PCLO: variants seen among roughly 807,000 people sequenced by gnomAD.
PCLO encodes piccolo presynaptic cytomatrix protein, also known as protein piccolo.
PCLO carries 82 observed loss-of-function variants against 427.5 expected under a neutral mutation model. The observed-to-expected ratio is 0.19, with a 90% CI of 0.16 to 0.23. The LOEUF is 0.23. PCLO is among the 10% of genes least tolerant of loss of function. The pLI is 1.00. For synonymous variants in PCLO, 2,357 were observed against 2,155.4 expected (o/e 1.09, Z -2.59); for missense variants, 6,239 against 6,115.9 (o/e 1.02, Z -0.67).
intron 6 of PCLO, among the ~76,000 whole-genome samples, chr7:82,929,960 G>C (rs974297845): frequency 8.5e-5 from 13 of 152,090 alleles, no homozygotes; most frequent in Admixed American, 8.5e-4. Flanking sequence ...GAATGACTCT[G>C]GTATTGCTTC....
intron 22 of PCLO, among the ~76,000 whole-genome samples, chr7:82,794,454 T>TTTTTC (rs1562789346): frequency 4.4e-5 from 4 of 89,996 alleles, no homozygotes; most frequent in African/African-American, 2.3e-4. Context: ...TCATAAATTT[T>TTTTTC]TTTTCTTTTT....
In PCLO at chr7:83,156,069, TTGG is replaced by T; in HGVS notation, c.569_571del (p.Thr190del). 1.2e-6 allele frequency: 2 copies of T among 1,613,776 alleles called. No individual in the cohort carries two copies. The highest frequency in any genetic ancestry group is 1.7e-6 in the Non-Finnish European group (2 of 1,179,832). On this transcript the variant is annotated inframe_deletion, in exon 2 of 25. Coordinates refer to ENST00000333891, the MANE Select transcript of PCLO (RefSeq NM_033026.6). ...CTCCTTCTGAACCACTTTTTGTTTC[TTGG>T]TGGTTTCTTCCTGGGATGCCTCAGA...
chr7:82,974,001 T>C (rs1295003457), intron 3 of PCLO, among the ~76,000 whole-genome samples: 1 of 152,210 alleles, frequency 6.6e-6, no homozygotes, highest in Non-Finnish European at 1.5e-5. Flanking sequence ...AACACATAAA[T>C]GAAAACTTGC....
chr7:82,979,506 A>ACC lies in PCLO; in HGVS notation c.3301-13020_3301-13019insGG, dbSNP rs1263140396. ...TTGATGCATAAATAAAATATTTACT[A>ACC]TTTGCTTTGCTACCTGGTTCCTAAC... On this transcript the variant is annotated intron_variant, in intron 3 of 24. Transcript: ENST00000333891. 2.6e-5 allele frequency among the ~76,000 whole-genome samples: 4 copies of ACC among 152,286 alleles called. No individual in the cohort carries two copies. The East Asian group carries it at 7.7e-4, about 29-fold the overall frequency.
intron 6 of PCLO, among the ~76,000 whole-genome samples, chr7:82,933,625 G>A (rs1052834029): frequency 2.7e-5 from 4 of 150,792 alleles, no homozygotes; most frequent in Non-Finnish European, 4.4e-5. Context: ...CCAGATAAAG[G>A]TTACAAAACT....
rs966299320 is a variant in PCLO, at chr7:82,907,708, T to C, written c.13437+1169A>G. Among the ~76,000 whole-genome samples, 5 of 151,756 alleles carry C rather than the reference T, an allele frequency of 3.3e-5. 1 individual carries two copies. Among genetic ancestry groups the C allele is most frequent in the Admixed American group, 1.3e-4 (2 of 15,186 alleles). ...CTAAACAAAATATGTATTGAAGATA[T>C]GAAAAACTAAAGATAGAAATTTATA... On this transcript the variant is annotated intron_variant, in intron 8 of 24. Coordinates refer to ENST00000333891, the MANE Select transcript of PCLO (RefSeq NM_033026.6).
rs74414044 is a variant in PCLO, at chr7:82,875,010, T to C, written c.13654+4327A>G. On this transcript the variant is annotated intron_variant, in intron 10 of 24. Transcript: ENST00000333891. ...AGATTTGTAAATTCCCCAGATCTTT[T>C]GTCTTCATCTTTTTTACAGAACAAA... Among the ~76,000 whole-genome samples, 125 of 152,302 alleles carry C rather than the reference T, an allele frequency of 8.2e-4. No individual in the cohort carries two copies. The East Asian group carries it at 0.021, about 25-fold the overall frequency.
At position 83,069,413 on chromosome 7, in the gene PCLO, A is replaced by G. The variant is rs142358002; in HGVS notation, c.3300+64837T>C. 3.9e-3 allele frequency among the ~76,000 whole-genome samples: 590 copies of G among 152,336 alleles called. 6 individuals carry two copies. The highest frequency in any genetic ancestry group is 2.3e-3 in the Non-Finnish European group (156 of 68,028). On this transcript the variant is annotated intron_variant, in intron 3 of 24. Transcript: ENST00000333891. ...CTGTAATTTGATTGTGGTAATAATT[A>G]CGTAATGTATACAAATATCAAATCA...
At chr7:82,872,539 A>T (rs1793261876) in intron 10 of PCLO, among the ~76,000 whole-genome samples, 1 of 152,082 alleles carries the variant, frequency 6.6e-6, no homozygotes. Flanking sequence ...ATTTGGAAAA[A>T]AAAACAAACT....
intron 22 of PCLO, among the ~76,000 whole-genome samples, chr7:82,794,945 GTTATTA>G (rs1791195378): frequency 2.6e-5 from 4 of 152,052 alleles, no homozygotes; most frequent in African/African-American, 7.2e-5. Flanking sequence ...TACTATATGT[GTTATTA>G]TTATTTATAG....
chr7:82,822,796 G>A, intron 19 of PCLO, 107 bp from the exon 20 acceptor site: 4 of 879,022 alleles, frequency 4.6e-6, no homozygotes, highest in Non-Finnish European at 7.3e-6. Flanking sequence ...TTAATTCTGA[G>A]TCTTATATGA....
chr7:83,030,072 C>T (rs1462770211), intron 3 of PCLO, among the ~76,000 whole-genome samples: 22 of 146,736 alleles, frequency 1.5e-4, no homozygotes, highest in Admixed American at 1.2e-3. Context: ...GTAACTAATC[C>T]GCACAATGTG....
At chr7:82,986,646 T>C (rs946093692) in intron 3 of PCLO, among the ~76,000 whole-genome samples, 1 of 151,980 alleles carries the variant, frequency 6.6e-6, no homozygotes, top group Non-Finnish European at 1.5e-5. Context: ...TTCATTCAAA[T>C]GAGTTAAATA....
intron 3 of PCLO, among the ~76,000 whole-genome samples, chr7:83,067,902 A>C (rs1006181586): frequency 3.0e-5 from 1 of 33,646 alleles, no homozygotes; most frequent in African/African-American, 2.2e-4. Context: ...CTTCTGGGGT[A>C]CAGCTTACAT....
rs1213560456 is a variant in PCLO at position 82,965,864 on chromosome 7, T to C, written c.3924A>G (p.Lys1308=). The change falls in exon 4 of 25, where the codon AAA becomes AAG. Residue 1308 remains lysine, a synonymous_variant. Coordinates refer to ENST00000333891, the MANE Select transcript of PCLO (RefSeq NM_033026.6). ...TTGTTTTGGTTGTCTTATCATCTTC[T>C]TTAGGTAAACTCTGAGGTGTGCCAG... The part of the protein sequence containing the change: ...LPSGTPQSLP[K]EDDKTTKTIK... The C allele has an allele frequency of 1.8e-5, 29 of 1,613,860 alleles. No individual in the cohort carries two copies. Among genetic ancestry groups the C allele is most frequent in the Non-Finnish European group, 2.3e-5 (27 of 1,179,880 alleles).
At chr7:82,817,784 C>T (rs1207711427) in intron 20 of PCLO, among the ~76,000 whole-genome samples, 1 of 152,082 alleles carries the variant, frequency 6.6e-6, no homozygotes, top group Non-Finnish European at 1.5e-5. Flanking sequence ...TATTGTCTCA[C>T]CTAATCTCTC....
At chr7:82,933,274 G>C (rs547538661) in intron 6 of PCLO, among the ~76,000 whole-genome samples, 13 of 152,134 alleles carry the variant, frequency 8.5e-5, no homozygotes, top group Middle Eastern at 3.4e-3. Context: ...CCTCCTTGTT[G>C]TAATAGTGCT....
intron 3 of PCLO, among the ~76,000 whole-genome samples, chr7:83,032,045 C>T (rs1189505163): frequency 6.6e-6 from 1 of 152,030 alleles, no homozygotes; most frequent in African/African-American, 2.4e-5. Flanking sequence ...ATGAGGTTTT[C>T]ACTTCAATTT....
chr7:82,915,271 C>G lies in PCLO; in HGVS notation c.12715G>C (p.Asp4239His). Residue 4239 changes from aspartate (D) to histidine (H), a missense_variant, in exon 7 of 25, where the codon GAT becomes CAT. This residue lies in a region of PCLO where 680 missense variants were observed against 677.3 expected (regional missense o/e 1.00). Transcript: ENST00000333891. ...GISSRARLLQ[D>H]DITFGLRKNI... ...TTTCTGAGGCCAAAAGTGATGTCAT[C>G]TTGAAGGAGCCTTGCCCTGGAGGAA... The G allele has an allele frequency of 3.7e-6, 6 of 1,613,596 alleles. No homozygotes were observed. The highest frequency in any genetic ancestry group is 3.4e-6 in the Non-Finnish European group (4 of 1,179,736).
Sources: gnomAD v4.1 joint callset for allele counts (sites outside exome capture counted in the v4.1 genomes callset) on GRCh38, gnomAD v4.1.1 for gene constraint, gnomAD v4.1.1 regional missense constraint, MANE v1.5 for transcripts, NCBI Gene and HGNC (gene_info 2026-07-23, HGNC 2026-07-21) for gene names.